FBN2: variants seen among roughly 807,000 people sequenced by gnomAD.
The protein encoded by FBN2 is fibrillin 2, also known as fibrillin-2.
In FBN2, 105 loss-of-function variants were observed where a neutral mutation model predicts 355.6. The ratio of observed to expected loss-of-function variants is 0.30; its 90% CI spans 0.25 to 0.35. The LOEUF (loss-of-function observed/expected upper bound fraction) is 0.35, where lower values mean the gene tolerates loss of function less well. FBN2 is among the 10% of genes least tolerant of loss of function. The pLI, the probability that FBN2 is intolerant of heterozygous loss-of-function variation, is 1.00. For synonymous variants in FBN2, 1,350 were observed against 1,301.2 expected, an observed-to-expected ratio of 1.04 and a Z score of -0.81; for missense variants, 3,280 against 3,758.7, an observed-to-expected ratio of 0.87 and a Z score of 3.33.
At chr5:128,411,269 T>C (rs58817165) in intron 7 of FBN2, among the ~76,000 whole-genome samples, 3,664 of 152,332 alleles carry the variant, frequency 0.024, 157 homozygotes, top group African/African-American at 0.084. Flanking sequence ...AATGCTTTTT[T>C]AGCTTTGCCA....
At chr5:128,261,359 T>A (rs1335527501) in intron 64 of FBN2, among the ~76,000 whole-genome samples, 1 of 152,230 alleles carries the variant, frequency 6.6e-6, no homozygotes, top group Non-Finnish European at 1.5e-5. Context: ...GTTTCCCTAG[T>A]GAAAATTAAA....
At chr5:128,512,537 A>G (rs936805659) in intron 5 of FBN2, among the ~76,000 whole-genome samples, 4 of 148,726 alleles carry the variant, frequency 2.7e-5, no homozygotes, top group Non-Finnish European at 6.0e-5. Flanking sequence ...AAAAAAAAGC[A>G]TATCAGATCT....
Position 128,361,740 on chromosome 5 carries a change from T to G in FBN2, c.2537A>C (p.Glu846Ala), listed in dbSNP as rs1204350692. The change falls in exon 19 of 65, where the codon GAG becomes GCG. Residue 846 changes from glutamate to alanine, a missense_variant. Physicochemically the swap from Glu to Ala is moderately radical, Grantham distance 107. Around this residue, in one of 6 missense-constraint regions of FBN2, gnomAD observed 2,284 missense variants for 2,749.5 expected, o/e 0.83. Coordinates refer to ENST00000262464, the MANE Select transcript of FBN2 (RefSeq NM_001999.4). ...TCPPGYVFRT[E>A]TETCEDINEC... ...GCTCTTACCTTCACAGGTCTCTGTC[T>G]CAGTCCTGAACACATACCCTGGTGG... 3 of 1,614,070 alleles carry G rather than the reference T, an allele frequency of 1.9e-6. No individual in the cohort carries two copies. Among genetic ancestry groups the G allele is most frequent in the Non-Finnish European group, 2.5e-6 (3 of 1,180,016 alleles).
At chr5:128,310,387 TATATATATATA>T (rs1561763488) in intron 39 of FBN2, among the ~76,000 whole-genome samples, 2 of 12,550 alleles carry the variant, frequency 1.6e-4, no homozygotes, top group African/African-American at 6.3e-4. Flanking sequence ...TATATATATA[TATATATATATA>T]TATATTTTTT....
chr5:128,305,438 T>G, intron 44 of FBN2, 73 bp downstream of exon 44: 1 of 1,543,096 alleles, frequency 6.5e-7, no homozygotes, highest in Non-Finnish European at 9.0e-7. Context: ...AAATTATTCT[T>G]GAAGTATTTT....
rs942158485 is a variant in FBN2, at chr5:128,286,746, G to A, written c.6984C>T (p.Ala2328=). ...CACAGCCTTCTCCATCGGGCCTTCG[G>A]GCCATTCCAGGAGGGCAGATGCACA... The part of the protein sequence containing the change: ...TFMCICPPGM[A]RRPDGEGCVD... Residue 2328 remains alanine (A), a synonymous_variant, in exon 55 of 65, where the codon GCC becomes GCT. Transcript: ENST00000262464. The A allele has an allele frequency of 2.5e-6, 4 of 1,614,002 alleles. No homozygotes were observed. Among genetic ancestry groups the A allele is most frequent in the African/African-American group, 2.7e-5 (2 of 74,908 alleles).
At chr5:128,522,705 C>CA (rs1325139520) in intron 4 of FBN2, among the ~76,000 whole-genome samples, 1 of 151,978 alleles carries the variant, frequency 6.6e-6, no homozygotes, top group Non-Finnish European at 1.5e-5. Context: ...TTCCTTTTCT[C>CA]AAATGAATTA....
Position 128,292,608 on chromosome 5 carries a change from C to T in FBN2, c.6167-954G>A, listed in dbSNP as rs542197381. On this transcript the variant is annotated intron_variant, in intron 48 of 64. Coordinates refer to ENST00000262464, the MANE Select transcript of FBN2 (RefSeq NM_001999.4). ...GCAGAAACCAACACCACCGCCACCA[C>T]CACCAACAACAAAAAAAACAAACAC... Among the ~76,000 whole-genome samples the T allele has an allele frequency of 2.0e-5, 3 of 152,230 alleles. No individual in the cohort carries two copies. In the East Asian group the frequency reaches 5.8e-4, roughly 29 times the overall value.
At chr5:128,392,332 T>TC (rs1203479892) in intron 10 of FBN2, among the ~76,000 whole-genome samples, 177 bp from the exon 11 acceptor site, 1 of 152,242 alleles carries the variant, frequency 6.6e-6, no homozygotes, top group Non-Finnish European at 1.5e-5. Context: ...AGACACATGG[T>TC]TGCAACTTGT....
At chr5:128,337,160 A>G (rs1383280206) in intron 27 of FBN2, among the ~76,000 whole-genome samples, 1 of 152,218 alleles carries the variant, frequency 6.6e-6, no homozygotes, top group Admixed American at 6.5e-5. Flanking sequence ...TTAAAATGAA[A>G]TAAGAACATA....
intron 5 of FBN2, among the ~76,000 whole-genome samples, chr5:128,469,525 C>T (rs1478584208): frequency 5.5e-4 from 29 of 53,108 alleles, no homozygotes; most frequent in African/African-American, 2.5e-3. Context: ...AGCAAGACTC[C>T]GTCTCAAAAA....
At chr5:128,492,169 G>T (rs949696002) in intron 5 of FBN2, among the ~76,000 whole-genome samples, 5 of 152,122 alleles carry the variant, frequency 3.3e-5, no homozygotes, top group African/African-American at 7.2e-5. Flanking sequence ...AGTGAAAATA[G>T]TATTAATATA....
chr5:128,440,602 C>T (rs568616754), intron 7 of FBN2, among the ~76,000 whole-genome samples: 36 of 152,290 alleles, frequency 2.4e-4, no homozygotes, highest in African/African-American at 8.7e-4. Flanking sequence ...TTGGGGATTA[C>T]AATTTGACAT....
At chr5:128,327,139 GA>G (rs748994933) in intron 34 of FBN2, among the ~76,000 whole-genome samples, 36 of 152,022 alleles carry the variant, frequency 2.4e-4, no homozygotes, top group Non-Finnish European at 3.8e-4. Context: ...CCAGGATTGG[GA>G]AAAAAAGGAA....
At chr5:128,368,273 A>G (rs915920619) in intron 16 of FBN2, among the ~76,000 whole-genome samples, 2 of 151,914 alleles carry the variant, frequency 1.3e-5, no homozygotes, top group African/African-American at 4.8e-5. Context: ...TATATATTCA[A>G]TACAGGTTTA....
rs149742060 is a variant in FBN2 at position 128,422,920 on chromosome 5, A to C, written c.953-14121T>G. ...AAAAGAGAAAAACAAAAAAAGATGC[A>C]GCTGGTTTCAAAATAAAAGATAAAT... On this transcript the variant is annotated intron_variant, in intron 7 of 64. Coordinates refer to ENST00000262464, the MANE Select transcript of FBN2 (RefSeq NM_001999.4). Among the ~76,000 whole-genome samples the C allele has an allele frequency of 1.4e-3, 207 of 152,324 alleles. 1 individual carries two copies. The highest frequency in any genetic ancestry group is 4.8e-3 in the African/African-American group (199 of 41,580).
chr5:128,305,692 A>G, intron 43 of FBN2, 56 bp from the exon 44 acceptor site: 1 of 1,604,682 alleles, frequency 6.2e-7, no homozygotes, highest in Non-Finnish European at 8.5e-7. Context: ...TATTAGCATT[A>G]CATTCACGTC....
intron 7 of FBN2, among the ~76,000 whole-genome samples, chr5:128,440,378 G>T (rs1376200418): frequency 6.6e-6 from 1 of 152,174 alleles, no homozygotes; most frequent in East Asian, 1.9e-4. Flanking sequence ...CAGGAAGCAT[G>T]GCTAGGGAAG....
chr5:128,307,143 T>C lies in FBN2; in HGVS notation c.5414A>G (p.Lys1805Arg). Residue 1805 changes from lysine (K) to arginine (R), a missense_variant, in exon 42 of 65, where the codon AAA (lysine) becomes AGA (arginine). Lys to Arg is a conservative substitution (Grantham distance 26, BLOSUM62 2). Coordinates refer to ENST00000262464, the MANE Select transcript of FBN2 (RefSeq NM_001999.4). ...PGFTFDIHTG[K>R]AVDIDECKEI... ...AATCTGGAAAAACTCACCAACAGCT[T>C]TTCCTGTGTGAATGTCAAAGGTGAA... 1.2e-6 allele frequency: 2 copies of C among 1,606,508 alleles called. No homozygotes were observed. The highest frequency in any genetic ancestry group is 1.1e-5 in the South Asian group (1 of 90,928).
Sources: gnomAD v4.1 joint callset for allele counts (sites outside exome capture counted in the v4.1 genomes callset) on GRCh38, gnomAD v4.1.1 for gene constraint, gnomAD v4.1.1 regional missense constraint, MANE v1.5 for transcripts, NCBI Gene and HGNC (gene_info 2026-07-23, HGNC 2026-07-21) for gene names.